The following RBFOX1 variants were observed in gnomAD, a reference collection of about 807,000 sequenced individuals.
RBFOX1 encodes RNA binding protein fox-1 homolog 1.
Under a neutral mutation model 57.7 loss-of-function variants are expected in RBFOX1, and 8 were observed. That is an observed-to-expected ratio of 0.14 (90% CI 0.08 to 0.25). The LOEUF (loss-of-function observed/expected upper bound fraction) is 0.25. Ranked by LOEUF, RBFOX1 falls within the 10% of genes least tolerant of loss-of-function variation. The pLI is 1.00. For synonymous variants in RBFOX1, 326 were observed against 222.4 expected (o/e 1.47, Z -4.15); for missense variants, 611 against 548.5 (o/e 1.11, Z -1.14).
At chr16:5,422,946 G>T (rs1320141579) in intron 1 of RBFOX1, among the ~76,000 whole-genome samples, 1 of 123,260 alleles carries the variant, frequency 8.1e-6, no homozygotes, top group African/African-American at 3.2e-5. Flanking sequence ...GAGAGGGAAG[G>T]GGGAGGAAAG....
intron 3 of RBFOX1, among the ~76,000 whole-genome samples, chr16:6,923,212 C>G (rs1211165328): frequency 6.6e-6 from 1 of 152,186 alleles, no homozygotes; most frequent in South Asian, 2.1e-4. Context: ...CCTGAGCTCT[C>G]CATCAGCCCA....
At chr16:6,937,723 G>A (rs2077620610) in intron 3 of RBFOX1, among the ~76,000 whole-genome samples, 1 of 152,156 alleles carries the variant, frequency 6.6e-6, no homozygotes, top group Admixed American at 6.6e-5. Flanking sequence ...AGAAAAGAAT[G>A]TCTGGGTTAG....
At chr16:5,953,212 G>C (rs188267197) in intron 4 of RBFOX1, among the ~76,000 whole-genome samples, 102 of 152,272 alleles carry the variant, frequency 6.7e-4, no homozygotes, top group African/African-American at 2.4e-3. Flanking sequence ...CTCAGCTAGG[G>C]AATGATTTTG....
At chr16:6,243,807 A>G (rs959421326) in intron 1 of RBFOX1, among the ~76,000 whole-genome samples, 1 of 152,168 alleles carries the variant, frequency 6.6e-6, no homozygotes, top group African/African-American at 2.4e-5. Flanking sequence ...TAGAGTCGTC[A>G]TGGCTCCAGT....
chr16:6,489,354 T>A (rs1367427974), intron 2 of RBFOX1, among the ~76,000 whole-genome samples: 1 of 152,204 alleles, frequency 6.6e-6, no homozygotes. Flanking sequence ...TATTTTATAT[T>A]TGCCGAGCAC....
At chr16:7,297,786 G>C (rs1460438999) in intron 4 of RBFOX1, among the ~76,000 whole-genome samples, 1 of 152,034 alleles carries the variant, frequency 6.6e-6, no homozygotes, top group East Asian at 1.9e-4. Context: ...GAAAATCTAA[G>C]CGACATAAAT....
intron 1 of RBFOX1, among the ~76,000 whole-genome samples, chr16:6,054,574 T>C (rs17139242): frequency 0.021 from 3,269 of 152,276 alleles, 132 homozygotes; most frequent in African/African-American, 0.075. Flanking sequence ...ACCCTGACCA[T>C]GATTCATATT....
intron 4 of RBFOX1, among the ~76,000 whole-genome samples, chr16:7,203,505 T>C (rs1169595598): frequency 6.6e-6 from 1 of 152,208 alleles, no homozygotes; most frequent in Admixed American, 6.5e-5. Context: ...TGCTACTGAA[T>C]TGTATGCTTA....
intron 2 of RBFOX1, among the ~76,000 whole-genome samples, chr16:6,515,541 C>T (rs1567519366): frequency 6.6e-6 from 1 of 152,198 alleles, no homozygotes; most frequent in Non-Finnish European, 1.5e-5. Flanking sequence ...CCCTTGAGAG[C>T]AGACATTTAT....
intron 4 of RBFOX1, among the ~76,000 whole-genome samples, chr16:5,995,121 T>C (rs2060469175): frequency 6.6e-6 from 1 of 152,216 alleles, no homozygotes; most frequent in Non-Finnish European, 1.5e-5. Flanking sequence ...CCTTACACTA[T>C]AACCTGCTTC....
chr16:7,288,010 T>C, intron 4 of RBFOX1, among the ~76,000 whole-genome samples: 1 of 152,154 alleles, frequency 6.6e-6, no homozygotes, highest in East Asian at 1.9e-4. Flanking sequence ...CGTGTGTATT[T>C]GCTGGCTGAG....
At chr16:6,233,604 A>G (rs1021427469) in intron 1 of RBFOX1, among the ~76,000 whole-genome samples, 2 of 152,098 alleles carry the variant, frequency 1.3e-5, no homozygotes, top group Admixed American at 1.3e-4. Context: ...ACACCACACC[A>G]GTCGCCTTGA....
chr16:6,483,526 C>G, intron 2 of RBFOX1: 1 of 1,534,734 alleles, frequency 6.5e-7, no homozygotes. Flanking sequence ...TAATTGCAGT[C>G]GTGGGAGATG....
intron 3 of RBFOX1, among the ~76,000 whole-genome samples, chr16:5,701,618 G>C (rs2051051961): frequency 6.6e-6 from 1 of 152,094 alleles, no homozygotes; most frequent in South Asian, 2.1e-4. Context: ...TTTTTTTGTA[G>C]GGACAGAGTT....
At chr16:7,221,125 G>A (rs773997216) in intron 4 of RBFOX1, among the ~76,000 whole-genome samples, 82 of 152,060 alleles carry the variant, frequency 5.4e-4, no homozygotes, top group Non-Finnish European at 1.0e-3. Flanking sequence ...TGCGTTTTAT[G>A]TGGTGGCTTA....
At chr16:5,977,990 C>G (rs183522389) in intron 4 of RBFOX1, among the ~76,000 whole-genome samples, 3 of 151,752 alleles carry the variant, frequency 2.0e-5, no homozygotes, top group Admixed American at 1.3e-4. Context: ...TGTGTTCTTC[C>G]TCTTTCTCAT....
chr16:7,205,562 A>G (rs1316141995), intron 4 of RBFOX1, among the ~76,000 whole-genome samples: 2 of 152,108 alleles, frequency 1.3e-5, no homozygotes, highest in Non-Finnish European at 2.9e-5. Flanking sequence ...ACGGAAATAA[A>G]CATGAACCTT....
intron 4 of RBFOX1, among the ~76,000 whole-genome samples, chr16:7,370,667 G>C (rs775392879): frequency 2.6e-5 from 4 of 152,196 alleles, no homozygotes; most frequent in Middle Eastern, 3.2e-3. Flanking sequence ...GCTATGATCT[G>C]ATTATCTTGC....
chr16:5,897,016 C>CTATTTTTTTT (rs2058182153), intron 4 of RBFOX1, among the ~76,000 whole-genome samples: 14 of 56,468 alleles, frequency 2.5e-4, no homozygotes, highest in African/African-American at 1.1e-3. Context: ...TATCCATCCG[C>CTATTTTTTTT]TTTTTTTTTT....
Sources: allele counts gnomAD v4.1 joint callset (sites outside exome capture counted in the v4.1 genomes callset), GRCh38; gene constraint gnomAD v4.1.1; transcripts MANE v1.5; gene names NCBI Gene and HGNC (gene_info 2026-07-23, HGNC 2026-07-21).